RPS6KA2: variants seen among roughly 807,000 people sequenced by gnomAD.
The protein encoded by RPS6KA2 is ribosomal protein S6 kinase A2, also known as ribosomal protein S6 kinase alpha-2.
A neutral mutation model predicts 91.8 loss-of-function variants in RPS6KA2; 42 were observed. The ratio of observed to expected loss-of-function variants is 0.46; its 90% confidence interval spans 0.36 to 0.59. The LOEUF (loss-of-function observed/expected upper bound fraction) is 0.59, where lower values mean the gene tolerates loss of function less well. Among genes scored for constraint, RPS6KA2 ranks in the 20% least tolerant of loss-of-function variants. The pLI, the probability that RPS6KA2 is intolerant of heterozygous loss-of-function variation, is 0.00. For missense variants in RPS6KA2, 798 were observed against 978.5 expected, an observed-to-expected ratio of 0.82 and a Z score of 2.46; for synonymous variants, 414 against 393.6, an observed-to-expected ratio of 1.05 and a Z score of -0.61.
chr6:166,471,528 A>T (rs1338059306), intron 10 of RPS6KA2, among the ~76,000 whole-genome samples: 1 of 152,232 alleles, frequency 6.6e-6, no homozygotes, highest in African/African-American at 2.4e-5. Context: ...GCTTTGTGTT[A>T]TTCACACTTT....
At chr6:166,577,992 A>G (rs1784889938) in intron 1 of RPS6KA2, among the ~76,000 whole-genome samples, 2 of 152,288 alleles carry the variant, frequency 1.3e-5, no homozygotes, top group South Asian at 4.1e-4. Flanking sequence ...TGGGTTTATC[A>G]GGGGTTTCCG....
intron 2 of RPS6KA2, among the ~76,000 whole-genome samples, chr6:166,827,239 G>T (rs143784925): frequency 3.2e-5 from 4 of 123,552 alleles, no homozygotes; most frequent in African/African-American, 1.3e-4. Context: ...TTGCACAAAG[G>T]CCATCACAAC....
chr6:166,597,293 G>A (rs972764856), intron 1 of RPS6KA2, among the ~76,000 whole-genome samples: 1 of 152,226 alleles, frequency 6.6e-6, no homozygotes, highest in Non-Finnish European at 1.5e-5. Context: ...CCCCGAGGAC[G>A]AATGGGACTC....
At chr6:166,414,322 A>AT (rs1254254263) in intron 19 of RPS6KA2, among the ~76,000 whole-genome samples, 1 of 152,200 alleles carries the variant, frequency 6.6e-6, no homozygotes, top group African/African-American at 2.4e-5. Flanking sequence ...ACATACTTAC[A>AT]TTTTTTATCA....
In RPS6KA2 at chr6:166,852,247, C is replaced by G. The variant is rs953730778; in HGVS notation, c.123+5953G>C. On this transcript the variant is annotated intron_variant, in intron 2 of 21. Transcript: ENST00000503859. The surrounding 1 kb of genome is among the most constrained non-coding windows in gnomAD (Gnocchi z 4.1). ...GTAACACCAGCTTTCAGAGACGCCACAGAGACAGATTCACAGGAGGTAATA... is the reference window on the plus strand; with the variant it reads ...GTAACACCAGCTTTCAGAGACGCCAGAGAGACAGATTCACAGGAGGTAATA... Among the ~76,000 whole-genome samples, 1 of 152,232 alleles carries G rather than the reference C, an allele frequency of 6.6e-6. No individual in the cohort carries two copies. Among genetic ancestry groups the G allele is most frequent in the Admixed American group, 6.5e-5 (1 of 15,286 alleles).
Position 166,827,355 on chromosome 6 carries a change from G to A in RPS6KA2, c.123+30845C>T, listed in dbSNP as rs1482710799. Among the ~76,000 whole-genome samples, 3 of 150,984 alleles carry A rather than the reference G, an allele frequency of 2.0e-5. No homozygotes were observed. In the East Asian group the frequency reaches 5.8e-4, roughly 29 times the overall value. On this transcript the variant is annotated intron_variant, in intron 2 of 21. Coordinates refer to the RPS6KA2 transcript ENST00000503859. ...TCGGACTGTAGGAACAAAACGTGAT[G>A]TGTATATATCTACAATGGAACACCG...
chr6:166,474,753 T>G (rs1289758007), intron 10 of RPS6KA2, among the ~76,000 whole-genome samples: 1 of 152,150 alleles, frequency 6.6e-6, no homozygotes, highest in African/African-American at 2.4e-5. Flanking sequence ...TGGAACTCAC[T>G]TAAGTAATGA....
In RPS6KA2 at chr6:166,770,435, G is replaced by A. The variant is rs1778435434; in HGVS notation, c.123+87765C>T. ...ACCTCGAGGGCAGACACAGCCCCAG[G>A]CAGCTTCAGCACCCCCACGTTTGCC... is the stretch of plus-strand genomic sequence containing the variant. On this transcript the variant is annotated intron_variant, in intron 2 of 21. Coordinates refer to the RPS6KA2 transcript ENST00000503859. The surrounding 1 kb of genome is among the most constrained non-coding windows in gnomAD (Gnocchi z 5.1). Among the ~76,000 whole-genome samples the A allele has an allele frequency of 6.7e-6, 1 of 148,472 alleles. No individual in the cohort carries two copies. Among genetic ancestry groups the A allele is most frequent in the Non-Finnish European group, 1.5e-5 (1 of 68,022 alleles).
At chr6:166,815,926 A>C (rs1277850402) in intron 2 of RPS6KA2, among the ~76,000 whole-genome samples, 1 of 152,232 alleles carries the variant, frequency 6.6e-6, no homozygotes, top group East Asian at 1.9e-4. Flanking sequence ...TGTAGCTCAT[A>C]AAGAGTAGTA....
At chr6:166,854,321 G>T (rs1780828148) in intron 2 of RPS6KA2, among the ~76,000 whole-genome samples, 1 of 152,184 alleles carries the variant, frequency 6.6e-6, no homozygotes, top group South Asian at 2.1e-4. Context: ...GTAACGTGAG[G>T]AATCACATGC....
intron 16 of RPS6KA2, 75 bp downstream of exon 16, chr6:166,430,378 C>G: frequency 7.4e-7 from 1 of 1,357,048 alleles, no homozygotes; most frequent in South Asian, 1.3e-5. Flanking sequence ...CTCTTGAACC[C>G]ATAAACCCTT....
intron 2 of RPS6KA2, among the ~76,000 whole-genome samples, chr6:166,695,457 G>A (rs1272474612): frequency 6.6e-6 from 1 of 152,232 alleles, no homozygotes; most frequent in African/African-American, 2.4e-5. Context: ...TTTATCCTAA[G>A]TGCAGTGAGG....
chr6:166,417,624 C>A (rs940222819), intron 19 of RPS6KA2, among the ~76,000 whole-genome samples: 1 of 118,008 alleles, frequency 8.5e-6, no homozygotes, highest in Non-Finnish European at 1.7e-5. Context: ...TCTCTATACA[C>A]ACACACACAC....
In RPS6KA2 at chr6:166,725,993, G is replaced by A. The variant is rs7751378; in HGVS notation, c.123+132207C>T. Among the ~76,000 whole-genome samples, 427 of 152,314 alleles carry A rather than the reference G, an allele frequency of 2.8e-3. 3 individuals carry two copies. The highest frequency in any genetic ancestry group is 9.9e-3 in the African/African-American group (411 of 41,574). ...ACCATGCTGAATTTGAAACAGCCAC[G>A]CCCCAGAAGCTGATCAGAAAAGATT... On this transcript the variant is annotated intron_variant, in intron 2 of 21. Transcript: ENST00000503859.
intron 2 of RPS6KA2, among the ~76,000 whole-genome samples, chr6:166,652,938 G>A (rs1186489341): frequency 1.3e-5 from 2 of 152,226 alleles, no homozygotes; most frequent in Non-Finnish European, 2.9e-5. Context: ...TCTTCATCAT[G>A]CTGGGCCCAG....
chr6:166,493,012 G>A lies in RPS6KA2; in HGVS notation c.748-2271C>T, dbSNP rs1452355171. Among the ~76,000 whole-genome samples, 1 of 151,678 alleles carries A rather than the reference G, an allele frequency of 6.6e-6. No individual in the cohort carries two copies. Among genetic ancestry groups the A allele is most frequent in the Non-Finnish European group, 1.5e-5 (1 of 68,002 alleles). On this transcript the variant is annotated intron_variant, in intron 8 of 20. Coordinates refer to ENST00000265678, the MANE Select transcript of RPS6KA2 (RefSeq NM_021135.6). The surrounding 1 kb of genome is among the most constrained non-coding windows in gnomAD (Gnocchi z 4.7). Reference sequence around the variant, plus strand: ...CTCCCACAATGCTTGGATTATAGGCGTGAGCCACTGCGCCTGGTCTGGTGA... The same window carrying A: ...CTCCCACAATGCTTGGATTATAGGCATGAGCCACTGCGCCTGGTCTGGTGA...
intron 2 of RPS6KA2, among the ~76,000 whole-genome samples, chr6:166,857,234 A>G (rs1173994712): frequency 1.3e-5 from 2 of 152,200 alleles, no homozygotes; most frequent in Non-Finnish European, 2.9e-5. Context: ...AGTCTGCAAT[A>G]TCTGCCAGCT....
intron 2 of RPS6KA2, among the ~76,000 whole-genome samples, chr6:166,686,532 G>C (rs1182044229): frequency 1.3e-5 from 2 of 152,176 alleles, no homozygotes; most frequent in African/African-American, 4.8e-5. Flanking sequence ...GGCTTCTGCT[G>C]ACAGGCCCCA....
chr6:166,472,769 C>T (rs550032609), intron 10 of RPS6KA2, among the ~76,000 whole-genome samples: 44 of 152,242 alleles, frequency 2.9e-4, no homozygotes, highest in Non-Finnish European at 5.0e-4. Context: ...GCTGGAATCA[C>T]GGCTGGCTCG....
Sources: gnomAD v4.1 joint callset for allele counts (sites outside exome capture counted in the v4.1 genomes callset) on GRCh38, gnomAD v4.1.1 for gene constraint, Gnocchi (gnomAD v3.1) non-coding constraint, MANE v1.5 for transcripts, NCBI Gene and HGNC (gene_info 2026-07-23, HGNC 2026-07-21) for gene names.